NTRK2: variants seen among roughly 807,000 people sequenced by gnomAD.
NTRK2 encodes the protein neurotrophic receptor tyrosine kinase 2.
In NTRK2, 13 loss-of-function variants were observed where a neutral mutation model predicts 94.5. The ratio of observed to expected loss-of-function variants is 0.14; its 90% CI spans 0.09 to 0.22. The LOEUF (loss-of-function observed/expected upper bound fraction) is 0.22, where lower values mean the gene tolerates loss of function less well. Ranked by LOEUF, NTRK2 falls within the 10% of genes least tolerant of loss-of-function variation. NTRK2 has a pLI of 1.00. For synonymous variants in NTRK2, 372 were observed against 407.4 expected (o/e 0.91, Z 1.05); for missense variants, 639 against 1,071.2 (o/e 0.60, Z 5.63).
chr9:84,952,081 C>T (rs1309034591), intron 16 of NTRK2, among the ~76,000 whole-genome samples: 1 of 152,194 alleles, frequency 6.6e-6, no homozygotes, highest in Admixed American at 6.5e-5. Flanking sequence ...TTCAAACTAT[C>T]ACAGCTAACA....
chr9:84,746,206 A>G (rs934634228), intron 11 of NTRK2, among the ~76,000 whole-genome samples: 1 of 152,204 alleles, frequency 6.6e-6, no homozygotes, highest in Non-Finnish European at 1.5e-5. Flanking sequence ...ATATTTCATA[A>G]CACACGAAAG....
rs191436655 is a variant in NTRK2, at chr9:85,024,524, C to A, written c.*3087C>A. ...TGAGACTCAGAGACATTCAGAGGCA[C>A]GCTAGAGGTCTCCAGCCTAGCTTCC... is the stretch of plus-strand genomic sequence containing the variant. On this transcript the variant is annotated 3_prime_UTR_variant, in exon 19 of 19. Coordinates refer to ENST00000277120, the MANE Select transcript of NTRK2 (RefSeq NM_006180.6). The A allele has an allele frequency of 4.3e-5, 10 of 232,858 alleles. No individual in the cohort carries two copies. The highest frequency in any genetic ancestry group is 2.2e-4 in the African/African-American group (10 of 45,450). The allele number at this position is 232,858 out of a possible 1,614,324, so 14.4% of individuals were successfully genotyped here.
chr9:84,816,021 T>C (rs1455721323), intron 12 of NTRK2, among the ~76,000 whole-genome samples: 1 of 152,200 alleles, frequency 6.6e-6, no homozygotes, highest in Non-Finnish European at 1.5e-5. Context: ...ATGCGAATTT[T>C]TTTTAAAAAC....
chr9:84,875,233 G>C, intron 14 of NTRK2: 1 of 1,058,190 alleles, frequency 9.5e-7, no homozygotes, highest in African/African-American at 1.6e-5. Flanking sequence ...AGATTGTGCT[G>C]CACAGTGTGT....
At chr9:84,872,109 T>G in intron 14 of NTRK2, 1 of 1,313,866 alleles carries the variant, frequency 7.6e-7, no homozygotes, top group Non-Finnish European at 9.8e-7. Flanking sequence ...CAACATCAAG[T>G]CTGGAGTTGG....
chr9:84,910,684 T>C (rs988096794), intron 14 of NTRK2, among the ~76,000 whole-genome samples: 1 of 152,212 alleles, frequency 6.6e-6, no homozygotes, highest in Non-Finnish European at 1.5e-5. Context: ...AAAAATCATC[T>C]GGGCATATCT....
At chr9:84,738,369 A>G (rs937290060) in intron 9 of NTRK2, among the ~76,000 whole-genome samples, 1 of 147,932 alleles carries the variant, frequency 6.8e-6, no homozygotes, top group African/African-American at 2.7e-5. Context: ...AGTCCTGAAT[A>G]TCTCCAACAG....
At chr9:84,833,231 A>G (rs57430769) in intron 12 of NTRK2, among the ~76,000 whole-genome samples, 1,948 of 152,176 alleles carry the variant, frequency 0.013, 37 homozygotes, top group African/African-American at 0.044. Context: ...CTTGGGCTGC[A>G]CACTAAAAAT....
chr9:84,736,431 C>T (rs1286000079), intron 9 of NTRK2, among the ~76,000 whole-genome samples: 1 of 152,130 alleles, frequency 6.6e-6, no homozygotes, highest in Non-Finnish European at 1.5e-5. Context: ...TTAGAATGCC[C>T]CACACTGGTG....
intron 12 of NTRK2, chr9:84,815,301 G>A: frequency 9.5e-7 from 1 of 1,050,740 alleles, no homozygotes; most frequent in Non-Finnish European, 1.1e-6. Context: ...TATGACTGCA[G>A]TGGGTTTTTA....
At chr9:84,887,979 C>G (rs1275094995) in intron 14 of NTRK2, among the ~76,000 whole-genome samples, 1 of 152,268 alleles carries the variant, frequency 6.6e-6, no homozygotes, top group African/African-American at 2.4e-5. Context: ...ATAAATGTTA[C>G]AAGGGATGAC....
At chr9:84,680,180 A>G (rs990158267) in intron 2 of NTRK2, among the ~76,000 whole-genome samples, 5 of 152,218 alleles carry the variant, frequency 3.3e-5, no homozygotes, top group Admixed American at 2.0e-4. Flanking sequence ...CAGTGTCACT[A>G]GTGTTATTGA....
intron 12 of NTRK2, among the ~76,000 whole-genome samples, chr9:84,843,567 G>A (rs2074303584): frequency 6.6e-6 from 1 of 152,166 alleles, no homozygotes; most frequent in African/African-American, 2.4e-5. Context: ...TGAGGGCAGT[G>A]TTAGAACTCA....
At chr9:84,834,009 G>T (rs1248045722) in intron 12 of NTRK2, among the ~76,000 whole-genome samples, 1 of 152,114 alleles carries the variant, frequency 6.6e-6, no homozygotes, top group African/African-American at 2.4e-5. Flanking sequence ...TCTTCCACTT[G>T]GGTAGCTCAC....
intron 12 of NTRK2, among the ~76,000 whole-genome samples, chr9:84,804,180 G>A (rs567281327): frequency 1.3e-4 from 20 of 152,182 alleles, no homozygotes; most frequent in African/African-American, 4.6e-4. Context: ...TTATCTTCCT[G>A]TTTTGGAGGC....
At chr9:84,840,260 C>T (rs1039435283) in intron 12 of NTRK2, among the ~76,000 whole-genome samples, 1 of 139,572 alleles carries the variant, frequency 7.2e-6, no homozygotes, top group Admixed American at 7.1e-5. Context: ...CAATCATTGA[C>T]AATTCTTTTT....
chr9:84,987,385 G>A (rs1219349840), intron 17 of NTRK2, among the ~76,000 whole-genome samples: 1 of 152,188 alleles, frequency 6.6e-6, no homozygotes, highest in Non-Finnish European at 1.5e-5. Flanking sequence ...AATGCAAACA[G>A]TATTCTTTAG....
At position 84,966,928 on chromosome 9, in the gene NTRK2, C is replaced by T. The variant is rs188926905; in HGVS notation, c.2172+11411C>T. Among the ~76,000 whole-genome samples, 804 of 152,196 alleles carry T rather than the reference C, an allele frequency of 5.3e-3. 13 individuals are homozygous for T. The highest frequency in any genetic ancestry group is 6.1e-3 in the Non-Finnish European group (413 of 68,022). ...GACTTTCCTGAGAGAGATGGTATTA[C>T]CATAATTAATGGATTTTTAGGACTT... is the stretch of plus-strand genomic sequence containing the variant. On this transcript the variant is annotated intron_variant, in intron 17 of 18. Coordinates refer to ENST00000277120, the MANE Select transcript of NTRK2 (RefSeq NM_006180.6).
chr9:84,935,031 G>A (rs2078169126), intron 15 of NTRK2, among the ~76,000 whole-genome samples: 1 of 151,912 alleles, frequency 6.6e-6, no homozygotes, highest in Non-Finnish European at 1.5e-5. Context: ...AAGGCTTCAG[G>A]TATTTTACAT....
Sources: gnomAD v4.1 joint callset for allele counts (sites outside exome capture counted in the v4.1 genomes callset) on GRCh38, gnomAD v4.1.1 for gene constraint, MANE v1.5 for transcripts, NCBI Gene and HGNC (gene_info 2026-07-23, HGNC 2026-07-21) for gene names.